TIMP3: variants seen among roughly 807,000 people sequenced by gnomAD.
TIMP3 encodes TIMP metallopeptidase inhibitor 3.
TIMP3 carries 11 observed loss-of-function variants against 30.0 expected under a neutral mutation model. The observed-to-expected ratio is 0.37, with a 90% CI of 0.23 to 0.61. TIMP3 has a LOEUF of 0.61. Ranked by LOEUF, TIMP3 falls within the 20% of genes least tolerant of loss-of-function variation. The pLI is 0.70. For synonymous variants in TIMP3, 112 were observed against 111.3 expected, an observed-to-expected ratio of 1.01 and a Z score of -0.04; for missense variants, 181 against 276.8, an observed-to-expected ratio of 0.65 and a Z score of 2.45.
chr22:32,805,168 G>A (rs1377967345), intron 1 of TIMP3, among the ~76,000 whole-genome samples: 2 of 152,172 alleles, frequency 1.3e-5, no homozygotes, highest in Admixed American at 6.5e-5. Flanking sequence ...TGGGAGGAAT[G>A]GGGCTGTAGG....
Position 32,859,439 on chromosome 22 carries a change from C to A in TIMP3, c.*62C>A. 1 of 1,550,456 alleles carries A rather than the reference C, an allele frequency of 6.4e-7. No individual in the cohort carries two copies. The highest frequency in any genetic ancestry group is 8.7e-7 in the Non-Finnish European group (1 of 1,149,360). On this transcript the variant is annotated 3_prime_UTR_variant, in exon 5 of 5. Coordinates refer to ENST00000266085, the MANE Select transcript of TIMP3 (RefSeq NM_000362.5). The stretch of plus-strand genomic sequence containing the variant: ...CCGCTGAGCTTCCCTTGGACACTAA[C>A]TCTTCCCAGATGATGACAATGAAAT...
intron 1 of TIMP3, among the ~76,000 whole-genome samples, chr22:32,809,764 T>TAA (rs1187844518): frequency 7.2e-5 from 11 of 152,254 alleles, no homozygotes; most frequent in Admixed American, 2.6e-4. Context: ...AGTTTTCTCA[T>TAA]GGGTTCCTGG....
chr22:32,838,731 C>T (rs1483316890), intron 1 of TIMP3, among the ~76,000 whole-genome samples: 1 of 151,964 alleles, frequency 6.6e-6, no homozygotes, highest in African/African-American at 2.4e-5. Context: ...ACCCAGCACT[C>T]CAGGAAGCCA....
At chr22:32,802,507 T>C (rs958605934) in intron 1 of TIMP3, among the ~76,000 whole-genome samples, 8 of 146,820 alleles carry the variant, frequency 5.4e-5, no homozygotes, top group Admixed American at 4.0e-4. Context: ...GGAAATTGAA[T>C]AGTTAAAAAA....
intron 1 of TIMP3, among the ~76,000 whole-genome samples, chr22:32,815,382 G>A (rs989529129): frequency 6.6e-6 from 1 of 152,114 alleles, no homozygotes; most frequent in Non-Finnish European, 1.5e-5. Context: ...ACAGCAGCTT[G>A]GTTTAAGAGA....
chr22:32,829,260 T>G (rs1449140142), intron 1 of TIMP3, among the ~76,000 whole-genome samples: 1 of 152,206 alleles, frequency 6.6e-6, no homozygotes, highest in Non-Finnish European at 1.5e-5. Context: ...CCTCCTTTCG[T>G]GATCACGCCT....
At position 32,838,258 on chromosome 22, in the gene TIMP3, G is replaced by A. The variant is rs60028774; in HGVS notation, c.122-11194G>A. On this transcript the variant is annotated intron_variant, in intron 1 of 4. Transcript: ENST00000266085. ...TTTCAAGTGGACTTGAGGAGAAGGAGGGGGGGTGGCAAAATAAAACAAACA... is the reference window on the plus strand; with the variant it reads ...TTTCAAGTGGACTTGAGGAGAAGGAAGGGGGGTGGCAAAATAAAACAAACA... 8.7e-3 allele frequency among the ~76,000 whole-genome samples: 1,300 copies of A among 149,458 alleles called. 21 individuals carry two copies. The highest frequency in any genetic ancestry group is 0.032 in the African/African-American group (1,229 of 38,876).
At chr22:32,833,168 G>A (rs961727051) in intron 1 of TIMP3, among the ~76,000 whole-genome samples, 5 of 152,142 alleles carry the variant, frequency 3.3e-5, no homozygotes, top group African/African-American at 1.2e-4. Flanking sequence ...ACTGATCGGT[G>A]GCTCCTGGGA....
intron 1 of TIMP3, among the ~76,000 whole-genome samples, chr22:32,823,769 A>G (rs1018019179): frequency 1.3e-5 from 2 of 152,060 alleles, no homozygotes; most frequent in African/African-American, 4.8e-5. Context: ...CGTGGGGTGC[A>G]GTCAGAATGA....
intron 1 of TIMP3, among the ~76,000 whole-genome samples, chr22:32,809,801 G>T (rs2046864468): frequency 6.6e-6 from 1 of 152,180 alleles, no homozygotes; most frequent in South Asian, 2.1e-4. Flanking sequence ...ATTTGGGTTG[G>T]CTTACTGATA....
chr22:32,820,353 CGTGTGTGTGT>C (rs35230068), intron 1 of TIMP3, among the ~76,000 whole-genome samples: 40 of 141,782 alleles, frequency 2.8e-4, no homozygotes, highest in Middle Eastern at 7.1e-3. Flanking sequence ...CATTCCACTG[CGTGTGTGTGT>C]GTGTGTGTGT....
chr22:32,817,132 C>T (rs936743279), intron 1 of TIMP3, among the ~76,000 whole-genome samples: 5 of 151,458 alleles, frequency 3.3e-5, no homozygotes, highest in African/African-American at 4.9e-5. Flanking sequence ...GTGGGAGAAT[C>T]GCTTGAGTCC....
chr22:32,828,782 G>A (rs754282154), intron 1 of TIMP3, among the ~76,000 whole-genome samples: 11 of 152,188 alleles, frequency 7.2e-5, no homozygotes, highest in African/African-American at 2.4e-4. Flanking sequence ...TCATCAGCAC[G>A]CTGGACTGAG....
chr22:32,858,885 T>A (rs754432747), intron 4 of TIMP3, among the ~76,000 whole-genome samples: 4 of 152,208 alleles, frequency 2.6e-5, no homozygotes, highest in Admixed American at 6.5e-5. Flanking sequence ...AAAAGTCCTC[T>A]CAGTAGTCTA....
At chr22:32,835,481 G>C (rs1330064579) in intron 1 of TIMP3, among the ~76,000 whole-genome samples, 2 of 152,072 alleles carry the variant, frequency 1.3e-5, no homozygotes, top group African/African-American at 4.8e-5. Context: ...GCAGGAGGTG[G>C]TTGGGGATGG....
At chr22:32,833,903 A>G in intron 1 of TIMP3, 3 of 498,494 alleles carry the variant, frequency 6.0e-6, no homozygotes, top group Non-Finnish European at 1.2e-5. Flanking sequence ...TAATAATAGT[A>G]TTAGAATTAG....
At chr22:32,806,481 T>C (rs1410647858) in intron 1 of TIMP3, among the ~76,000 whole-genome samples, 1 of 152,204 alleles carries the variant, frequency 6.6e-6, no homozygotes, top group Non-Finnish European at 1.5e-5. Flanking sequence ...CCCCTTCTTC[T>C]ACCTTTTGTC....
At chr22:32,849,349 G>T (rs2048154276) in intron 1 of TIMP3, 103 bp from the exon 2 acceptor site, 5 of 926,102 alleles carry the variant, frequency 5.4e-6, no homozygotes, top group African/African-American at 1.6e-5. Context: ...AGGTAAGAGT[G>T]CAATTCCAGG....
In TIMP3 at chr22:32,849,552, C is replaced by T. The variant is rs377137738; in HGVS notation, c.204+18C>T. The stretch of plus-strand genomic sequence containing the variant: ...AGATGAAGGTAGGTAATGTCATCAC[C>T]CTGGCTCCGGGAAGGTTTTTGGGTT... On this transcript the variant is annotated intron_variant, in intron 2 of 4. Coordinates refer to ENST00000266085, the MANE Select transcript of TIMP3 (RefSeq NM_000362.5). The T allele has an allele frequency of 2.5e-6, 4 of 1,609,982 alleles. No homozygotes were observed. The African/African-American group carries it at 5.3e-5, about 22-fold the overall frequency.
Sources: allele counts gnomAD v4.1 joint callset (sites outside exome capture counted in the v4.1 genomes callset), GRCh38; gene constraint gnomAD v4.1.1; transcripts MANE v1.5; gene names NCBI Gene and HGNC (gene_info 2026-07-23, HGNC 2026-07-21).